Variants in NELL2 observed in about 807,000 individuals in gnomAD.
The protein encoded by NELL2 is neural EGFL like 2, also known as protein kinase C-binding protein NELL2.
Under a neutral mutation model 109.6 loss-of-function variants are expected in NELL2, and 41 were observed. That is an observed-to-expected ratio of 0.37 (90% CI 0.29 to 0.49). The LOEUF is 0.49. Among genes scored for constraint, NELL2 ranks in the 20% least tolerant of loss-of-function variants. The pLI, the probability that NELL2 is intolerant of heterozygous loss-of-function variation, is 0.98. For synonymous variants in NELL2, 355 were observed against 344.7 expected (o/e 1.03, Z -0.33); for missense variants, 900 against 1,008.3 (o/e 0.89, Z 1.45).
intron 2 of NELL2, among the ~76,000 whole-genome samples, chr12:44,819,710 C>A (rs2136694076): frequency 6.6e-6 from 1 of 152,260 alleles, no homozygotes; most frequent in East Asian, 1.9e-4. Flanking sequence ...CCTATTCAAC[C>A]TCTCCTCCCA....
chr12:44,568,306 G>A (rs2136191961), intron 15 of NELL2, among the ~76,000 whole-genome samples: 1 of 152,188 alleles, frequency 6.6e-6, no homozygotes, highest in South Asian at 2.1e-4. Flanking sequence ...CTTAAGTAAT[G>A]TGTTTCCAAA....
intron 12 of NELL2, among the ~76,000 whole-genome samples, chr12:44,682,599 G>A (rs901852301): frequency 6.6e-6 from 1 of 152,162 alleles, no homozygotes; most frequent in Non-Finnish European, 1.5e-5. Flanking sequence ...TTTTGTATAA[G>A]GTGTAAGGAA....
intron 19 of NELL2, among the ~76,000 whole-genome samples, chr12:44,514,516 T>C (rs1005394705): frequency 6.6e-6 from 1 of 151,558 alleles, no homozygotes; most frequent in African/African-American, 2.4e-5. Context: ...AGTATATTAT[T>C]ATAATTATAT....
At chr12:44,705,325 A>G (rs1937810272) in intron 11 of NELL2, among the ~76,000 whole-genome samples, 1 of 152,120 alleles carries the variant, frequency 6.6e-6, no homozygotes, top group African/African-American at 2.4e-5. Context: ...TAATCAAATG[A>G]CTCAGTGATT....
intron 12 of NELL2, among the ~76,000 whole-genome samples, chr12:44,687,228 C>T (rs938535535): frequency 6.6e-6 from 1 of 151,664 alleles, no homozygotes; most frequent in Non-Finnish European, 1.5e-5. Context: ...ACCCCTTGCG[C>T]TTCCCGAGTG....
At chr12:44,741,905 G>A (rs1020470232) in intron 9 of NELL2, among the ~76,000 whole-genome samples, 2 of 152,204 alleles carry the variant, frequency 1.3e-5, no homozygotes, top group Non-Finnish European at 2.9e-5. Context: ...CAAACAAAAA[G>A]ACAGCAGTAA....
intron 15 of NELL2, among the ~76,000 whole-genome samples, chr12:44,576,541 CT>C (rs111804043): frequency 0.055 from 8,066 of 146,432 alleles, 627 homozygotes; most frequent in African/African-American, 0.17. Context: ...CCTACCTTCT[CT>C]TTTTTTTTTT....
At chr12:44,802,225 T>C (rs1310670027) in intron 3 of NELL2, among the ~76,000 whole-genome samples, 1 of 152,156 alleles carries the variant, frequency 6.6e-6, no homozygotes, top group Non-Finnish European at 1.5e-5. Context: ...TTCTGTCGTG[T>C]ATTTATTTCA....
Position 44,876,089 on chromosome 12 carries a change from A to C in NELL2, c.-220T>G. 8 of 1,349,408 alleles carry C rather than the reference A, an allele frequency of 5.9e-6. No homozygotes were observed. Among genetic ancestry groups the C allele is most frequent in the East Asian group, 5.7e-5 (2 of 34,866 alleles). 83.6% of individuals were successfully genotyped at this position (1,349,408 alleles called of 1,614,324 possible). On this transcript the variant is annotated 5_prime_UTR_variant, in exon 1 of 20. Coordinates refer to ENST00000429094, the MANE Select transcript of NELL2 (RefSeq NM_001145108.2). ...ACCCTCCAATGCGCACATCATTCCC[A>C]CACGCAGGGCCGAGGCGGCAGCGCG...
At chr12:44,850,006 T>C (rs745724539) in intron 2 of NELL2, among the ~76,000 whole-genome samples, 6 of 152,138 alleles carry the variant, frequency 3.9e-5, no homozygotes, top group Admixed American at 3.3e-4. Flanking sequence ...AAGGGGCACA[T>C]GGAACTTTCC....
At chr12:44,885,143 G>A (rs905120122) in intron 1 of NELL2, among the ~76,000 whole-genome samples, 5 of 152,012 alleles carry the variant, frequency 3.3e-5, no homozygotes, top group African/African-American at 1.2e-4. Context: ...GCCAGGCATG[G>A]TGGTGAGCAC....
chr12:44,514,805 G>A (rs1471335435), intron 19 of NELL2, among the ~76,000 whole-genome samples: 1 of 151,234 alleles, frequency 6.6e-6, no homozygotes, highest in Non-Finnish European at 1.5e-5. Flanking sequence ...TGGAACTGTA[G>A]GATTTATAGT....
chr12:44,780,356 C>A (rs1426086834), intron 3 of NELL2, among the ~76,000 whole-genome samples: 2 of 151,860 alleles, frequency 1.3e-5, no homozygotes, highest in Non-Finnish European at 2.9e-5. Flanking sequence ...AGCTGAAGAA[C>A]AAAGAAAGGA....
chr12:44,544,190 A>T (rs1942698371), intron 15 of NELL2, among the ~76,000 whole-genome samples: 1 of 152,158 alleles, frequency 6.6e-6, no homozygotes, highest in Non-Finnish European at 1.5e-5. Flanking sequence ...AGAGGAACTG[A>T]AACTAGTGAT....
At chr12:44,509,939 A>G (rs1282596074) in intron 19 of NELL2, among the ~76,000 whole-genome samples, 1 of 152,064 alleles carries the variant, frequency 6.6e-6, no homozygotes. Flanking sequence ...TAGTTAAGAA[A>G]CTGAAAAAAA....
At chr12:44,592,692 G>A (rs900907950) in intron 15 of NELL2, among the ~76,000 whole-genome samples, 2 of 152,044 alleles carry the variant, frequency 1.3e-5, no homozygotes, top group African/African-American at 2.4e-5. Flanking sequence ...TATTTTGAGG[G>A]CCCCTCAGGA....
At chr12:44,734,094 C>T (rs138883018) in intron 9 of NELL2, among the ~76,000 whole-genome samples, 94 of 152,104 alleles carry the variant, frequency 6.2e-4, no homozygotes, top group Non-Finnish European at 7.8e-4. Flanking sequence ...TCAATTACTA[C>T]AACTTTACTC....
At chr12:44,862,799 G>A (rs1173351026) in intron 2 of NELL2, among the ~76,000 whole-genome samples, 1 of 152,132 alleles carries the variant, frequency 6.6e-6, no homozygotes, top group Non-Finnish European at 1.5e-5. Flanking sequence ...GAAAGGATCT[G>A]TGAACTCAAA....
intron 9 of NELL2, among the ~76,000 whole-genome samples, chr12:44,731,443 T>A (rs1939365069): frequency 6.6e-6 from 1 of 152,054 alleles, no homozygotes; most frequent in South Asian, 2.1e-4. Context: ...GCTCAGCATA[T>A]GAAAACCAAC....
Sources: gnomAD v4.1 joint callset for allele counts (sites outside exome capture counted in the v4.1 genomes callset) on GRCh38, gnomAD v4.1.1 for gene constraint, MANE v1.5 for transcripts, NCBI Gene and HGNC (gene_info 2026-07-23, HGNC 2026-07-21) for gene names.